The following SLCO1B3 variants were observed in gnomAD, a reference collection of about 807,000 sequenced individuals.
SLCO1B3 encodes the protein solute carrier organic anion transporter family member 1B3.
SLCO1B3 carries 72 observed loss-of-function variants against 71.8 expected under a neutral mutation model. The observed-to-expected ratio is 1.00, with a 90% CI of 0.83 to 1.22. The LOEUF (loss-of-function observed/expected upper bound fraction) is 1.22. Ranked by LOEUF, SLCO1B3 falls within the 50% of genes most tolerant of loss-of-function variation. SLCO1B3 has a pLI of 0.00. For synonymous variants in SLCO1B3, 298 were observed against 278.4 expected (o/e 1.07, Z -0.70); for missense variants, 911 against 819.7 (o/e 1.11, Z -1.36).
intron 3 of SLCO1B3, among the ~76,000 whole-genome samples, chr12:20,827,197 T>C (rs184087905): frequency 1.3e-5 from 2 of 152,308 alleles, no homozygotes; most frequent in East Asian, 3.9e-4. Flanking sequence ...GGACACCTTA[T>C]AATATTTAGC....
intron 8 of SLCO1B3, among the ~76,000 whole-genome samples, chr12:20,871,231 T>C (rs1189811985): frequency 6.6e-6 from 1 of 152,176 alleles, no homozygotes; most frequent in East Asian, 1.9e-4. Context: ...TCCTCCATTT[T>C]TTGGAATGGT....
intron 3 of SLCO1B3, among the ~76,000 whole-genome samples, chr12:20,840,590 A>G (rs1262510244): frequency 1.3e-5 from 2 of 151,882 alleles, no homozygotes; most frequent in African/African-American, 2.4e-5. Flanking sequence ...ACGGGGTTTC[A>G]CCATCTTGGC....
chr12:20,844,685 A>G (rs1167978068), intron 3 of SLCO1B3, among the ~76,000 whole-genome samples: 5 of 151,960 alleles, frequency 3.3e-5, no homozygotes, highest in African/African-American at 4.8e-5. Context: ...GTTGATTTCT[A>G]GTTTTATTCC....
chr12:20,827,857 G>A (rs1864460268), intron 3 of SLCO1B3, among the ~76,000 whole-genome samples: 2 of 152,080 alleles, frequency 1.3e-5, no homozygotes, highest in East Asian at 1.9e-4. Flanking sequence ...TGTGAGCCAC[G>A]GTGCACAAGC....
chr12:20,858,399 T>C, intron 4 of SLCO1B3, 40 bp from the exon 5 acceptor site: 2 of 1,436,814 alleles, frequency 1.4e-6, no homozygotes, highest in Non-Finnish European at 1.9e-6. Flanking sequence ...GATACAAAAT[T>C]ACACTAAGTC....
intron 9 of SLCO1B3, among the ~76,000 whole-genome samples, chr12:20,876,988 A>G (rs10841690): frequency 0.72 from 109,948 of 151,768 alleles, 42,407 homozygotes; most frequent in South Asian, 0.9. Context: ...ACACTGCCAT[A>G]CCCGGCTAAT....
intron 3 of SLCO1B3, among the ~76,000 whole-genome samples, chr12:20,848,479 C>T (rs1332708999): frequency 6.6e-6 from 1 of 152,100 alleles, no homozygotes; most frequent in Non-Finnish European, 1.5e-5. Context: ...AGTCATAGAC[C>T]TTAGTATTTA....
At chr12:20,816,652 A>G (rs556493227) in intron 3 of SLCO1B3, among the ~76,000 whole-genome samples, 1 of 152,344 alleles carries the variant, frequency 6.6e-6, no homozygotes, top group South Asian at 2.1e-4. Flanking sequence ...CAGTGCTGCA[A>G]CAAACATGGA....
At chr12:20,898,960 C>T (rs950418684) in intron 14 of SLCO1B3, among the ~76,000 whole-genome samples, 3 of 152,160 alleles carry the variant, frequency 2.0e-5, no homozygotes, top group African/African-American at 7.2e-5. Context: ...TGTGCCATTT[C>T]CCACTGCCTG....
chr12:20,880,782 T>A (rs1865674643), intron 11 of SLCO1B3, 73 bp from the exon 12 acceptor site: 1 of 1,022,336 alleles, frequency 9.8e-7, no homozygotes, highest in East Asian at 2.8e-5. Context: ...CCTTATCCCC[T>A]TGTCTCCCTC....
At chr12:20,836,813 T>C (rs2121155290) in intron 3 of SLCO1B3, among the ~76,000 whole-genome samples, 1 of 152,212 alleles carries the variant, frequency 6.6e-6, no homozygotes. Flanking sequence ...GGCTAATTTT[T>C]TGTATTTTTA....
chr12:20,819,925 G>A (rs1015032275), intron 3 of SLCO1B3, among the ~76,000 whole-genome samples: 2 of 152,094 alleles, frequency 1.3e-5, no homozygotes, highest in Non-Finnish European at 1.5e-5. Flanking sequence ...GCAATGAGAT[G>A]CGGCTGTAGT....
intron 3 of SLCO1B3, among the ~76,000 whole-genome samples, chr12:20,822,705 G>T (rs1444756896): frequency 6.6e-6 from 1 of 152,136 alleles, no homozygotes; most frequent in Non-Finnish European, 1.5e-5. Context: ...TATTTGTCTT[G>T]TGCTCAGTAA....
At chr12:20,822,718 C>A (rs529282611) in intron 3 of SLCO1B3, among the ~76,000 whole-genome samples, 5 of 151,750 alleles carry the variant, frequency 3.3e-5, no homozygotes, top group African/African-American at 1.2e-4. Flanking sequence ...CTCAGTAAAT[C>A]GGCACTTTAC....
chr12:20,853,137 T>A (rs1467049040), intron 3 of SLCO1B3, among the ~76,000 whole-genome samples: 6 of 152,148 alleles, frequency 3.9e-5, no homozygotes, highest in East Asian at 1.9e-4. Flanking sequence ...TGTGATTTTT[T>A]AAAATATGCT....
At chr12:20,875,167 A>G (rs527350100) in intron 8 of SLCO1B3, 68 bp from the exon 9 acceptor site, 2 of 1,552,966 alleles carry the variant, frequency 1.3e-6, no homozygotes, top group African/African-American at 1.4e-5. Flanking sequence ...AATCATTATC[A>G]TTATTTCCCA....
chr12:20,841,381 A>G (rs924956733), intron 3 of SLCO1B3, among the ~76,000 whole-genome samples: 12 of 152,160 alleles, frequency 7.9e-5, no homozygotes, highest in Non-Finnish European at 1.6e-4. Flanking sequence ...ATGTCTTATC[A>G]GTCCTAAACT....
Position 20,916,137 on chromosome 12 carries a change from G to A in SLCO1B3, c.1999G>A (p.Asp667Asn), listed in dbSNP as rs1376710129. 1 of 1,613,468 alleles carries A rather than the reference G, an allele frequency of 6.2e-7. No individual in the cohort carries two copies. The highest frequency in any genetic ancestry group is 1.3e-5 in the African/African-American group (1 of 75,028). ...ATCGGACAATGAAAGAAAAGTAATG[G>A]ATGAAGCAAACTTAGAATTCTTAAA... The part of the protein sequence containing the change: ...KASDNERKVM[D>N]EANLEFLNNG... The change falls in exon 16 of 16, where the codon GAT becomes AAT. Residue 667 changes from aspartate to asparagine, a missense_variant. Asp to Asn is a conservative substitution (Grantham distance 23). Coordinates refer to ENST00000381545, the MANE Select transcript of SLCO1B3 (RefSeq NM_019844.4).
rs550396701 is a variant in SLCO1B3, at chr12:20,843,780, C to CA, written c.85-11234dup. Among the ~76,000 whole-genome samples, 1,003 of 132,758 alleles carry CA rather than the reference C, an allele frequency of 7.6e-3. 6 individuals are homozygous for CA. The highest frequency in any genetic ancestry group is 0.029 in the South Asian group (124 of 4,210). 87.1% of individuals were successfully genotyped at this position (132,758 alleles called of 152,430 possible). A position where few individuals can be genotyped will look rare whatever the true frequency, so the allele number is the denominator to read the frequency against. On this transcript the variant is annotated intron_variant, in intron 3 of 15. Transcript: ENST00000381545. Reference sequence around the variant, plus strand: ...TGGGCAACAGAGTGAGACTCTGTCTCAAAAAAAAAAAAAAGTACTATTAAT... The same window carrying CA: ...TGGGCAACAGAGTGAGACTCTGTCTCAAAAAAAAAAAAAAAGTACTATTAAT...
Sources: allele counts gnomAD v4.1 joint callset (sites outside exome capture counted in the v4.1 genomes callset), GRCh38; gene constraint gnomAD v4.1.1; transcripts MANE v1.5; gene names NCBI Gene and HGNC (gene_info 2026-07-23, HGNC 2026-07-21).